MGAT5: variants seen among roughly 807,000 people sequenced by gnomAD.
MGAT5 encodes alpha-1,6-mannosylglycoprotein 6-beta-N-acetylglucosaminyltransferase A.
In MGAT5, 30 loss-of-function variants were observed where a neutral mutation model predicts 94.3. The observed-to-expected ratio is 0.32, with a 90% CI of 0.24 to 0.43. The LOEUF (loss-of-function observed/expected upper bound fraction) is 0.43. Among genes scored for constraint, MGAT5 ranks in the 20% least tolerant of loss-of-function variants. MGAT5 has a pLI of 1.00. For missense variants in MGAT5, 691 were observed against 905.5 expected (o/e 0.76, Z 3.04); for synonymous variants, 310 against 322.9 (o/e 0.96, Z 0.43).
intron 1 of MGAT5, among the ~76,000 whole-genome samples, chr2:134,141,937 C>G (rs1225580686): frequency 6.6e-6 from 1 of 152,146 alleles, no homozygotes; most frequent in African/African-American, 2.4e-5. Flanking sequence ...ATTTGGTTTT[C>G]AGATGGTCTG....
chr2:134,225,637 C>T (rs1573560583), intron 1 of MGAT5, among the ~76,000 whole-genome samples: 1 of 152,256 alleles, frequency 6.6e-6, no homozygotes, highest in East Asian at 1.9e-4. Context: ...TTATTATCTT[C>T]CATGAGGTCT....
intron 2 of MGAT5, among the ~76,000 whole-genome samples, chr2:134,272,251 G>C (rs139660754): frequency 6.6e-6 from 1 of 152,310 alleles, no homozygotes; most frequent in Non-Finnish European, 1.5e-5. Context: ...TATTGAGCTA[G>C]TGTACCGCTT....
At chr2:134,359,901 G>A (rs1007775286) in intron 9 of MGAT5, among the ~76,000 whole-genome samples, 1 of 152,204 alleles carries the variant, frequency 6.6e-6, no homozygotes, top group African/African-American at 2.4e-5. Flanking sequence ...CACTGGGCCG[G>A]TAGTTACTTC....
At chr2:134,289,371 C>A (rs1005599446) in intron 2 of MGAT5, among the ~76,000 whole-genome samples, 1 of 152,166 alleles carries the variant, frequency 6.6e-6, no homozygotes, top group Admixed American at 6.5e-5. Flanking sequence ...GCCAATACTG[C>A]CCCTTGGTAG....
At chr2:134,298,486 T>C (rs1685823798) in intron 2 of MGAT5, among the ~76,000 whole-genome samples, 1 of 152,204 alleles carries the variant, frequency 6.6e-6, no homozygotes, top group South Asian at 2.1e-4. Context: ...TAATAAGTTA[T>C]GTCACTTATA....
chr2:134,204,839 G>A (rs1356316098), intron 1 of MGAT5, among the ~76,000 whole-genome samples: 1 of 152,086 alleles, frequency 6.6e-6, no homozygotes, highest in Non-Finnish European at 1.5e-5. Flanking sequence ...ACACTCCATC[G>A]ACAAACAATT....
rs532745261 is a variant in MGAT5, at chr2:134,265,203, C to T, written c.242-5183C>T. 8.5e-5 allele frequency among the ~76,000 whole-genome samples: 13 copies of T among 152,288 alleles called. No individual in the cohort carries two copies. In the South Asian group the frequency reaches 2.7e-3, roughly 32 times the overall value. On this transcript the variant is annotated intron_variant, in intron 1 of 15. Transcript: ENST00000281923. The stretch of plus-strand genomic sequence containing the variant: ...GCCATTTTTGATAATTCCTCAAATA[C>T]GGATTGATTTTGATGATCTGGGAAA...
intron 10 of MGAT5, among the ~76,000 whole-genome samples, chr2:134,381,390 A>ATAGATAGATAGATAAGATAAGATAGAT (rs1681573854): frequency 8.5e-6 from 1 of 117,376 alleles, no homozygotes; most frequent in African/African-American, 3.4e-5. Context: ...GATTAGATAG[A>ATAGATAGATAGATAAGATAAGATAGAT]TAGATAGATA....
intron 1 of MGAT5, among the ~76,000 whole-genome samples, chr2:134,121,022 C>T (rs973184246): frequency 1.3e-5 from 2 of 152,014 alleles, no homozygotes; most frequent in Non-Finnish European, 2.9e-5. Context: ...TCAGTGCGGC[C>T]CTGGGAACTT....
chr2:134,441,994 AG>A, intron 15 of MGAT5, 79 bp downstream of exon 15: 1 of 1,501,226 alleles, frequency 6.7e-7, no homozygotes, highest in Non-Finnish European at 9.1e-7. Flanking sequence ...TGAGAGGTAC[AG>A]GTTTCCTCTT....
intron 1 of MGAT5, among the ~76,000 whole-genome samples, chr2:134,130,151 A>G (rs1686062289): frequency 6.6e-6 from 1 of 151,132 alleles, no homozygotes; most frequent in Non-Finnish European, 1.5e-5. Flanking sequence ...GGCCTCAGCC[A>G]TCTTCCCGCG....
intron 15 of MGAT5, among the ~76,000 whole-genome samples, chr2:134,445,685 A>G (rs1230826729): frequency 6.6e-6 from 1 of 152,160 alleles, no homozygotes. Flanking sequence ...TTTAACTACC[A>G]TCCTGTAAGA....
At chr2:134,158,926 G>A (rs1035843890) in intron 1 of MGAT5, among the ~76,000 whole-genome samples, 4 of 152,142 alleles carry the variant, frequency 2.6e-5, no homozygotes, top group Middle Eastern at 6.3e-3. Context: ...GAAATGCTGC[G>A]AATCTGAATT....
chr2:134,312,926 A>G (rs1686766424), intron 2 of MGAT5, among the ~76,000 whole-genome samples: 1 of 151,850 alleles, frequency 6.6e-6, no homozygotes, highest in Non-Finnish European at 1.5e-5. Context: ...CCTGTCCTGT[A>G]TTACGCTATT....
In MGAT5 at chr2:134,428,780, C is replaced by G. The variant is rs191399355; in HGVS notation, c.1869+341C>G. ...TAAGAAAGGCAAGAATTGAAACCAG[C>G]TTTTTCTAAGCATTATTTTAATAAT... On this transcript the variant is annotated intron_variant, in intron 14 of 15. Transcript: ENST00000281923. 4.7e-4 allele frequency among the ~76,000 whole-genome samples: 71 copies of G among 152,276 alleles called. 1 individual carries two copies. Among genetic ancestry groups the G allele is most frequent in the Admixed American group, 3.7e-3 (56 of 15,290 alleles).
chr2:134,401,293 C>T (rs530116741), intron 10 of MGAT5, among the ~76,000 whole-genome samples: 10 of 152,326 alleles, frequency 6.6e-5, no homozygotes, highest in South Asian at 2.1e-4. Context: ...CAGACTCCAA[C>T]GCTCAAATGA....
At chr2:134,257,319 A>G (rs1257219) in intron 1 of MGAT5, among the ~76,000 whole-genome samples, 115,882 of 152,062 alleles carry the variant, frequency 0.76, 44,288 homozygotes, top group African/African-American at 0.79. Flanking sequence ...TGCAACACCC[A>G]CCTCCTGGGT....
chr2:134,374,316 G>A (rs775192062), intron 10 of MGAT5, among the ~76,000 whole-genome samples: 31 of 152,094 alleles, frequency 2.0e-4, no homozygotes, highest in African/African-American at 4.6e-4. Context: ...TTTGATAGAC[G>A]TGAAAATCAT....
chr2:134,359,824 C>T (rs75767334), intron 9 of MGAT5, among the ~76,000 whole-genome samples: 2,346 of 152,194 alleles, frequency 0.015, 65 homozygotes, highest in African/African-American at 0.053. Flanking sequence ...GTGATAAGAC[C>T]AGGGCGCTCT....
Sources: allele counts gnomAD v4.1 joint callset (sites outside exome capture counted in the v4.1 genomes callset), GRCh38; gene constraint gnomAD v4.1.1; transcripts MANE v1.5; gene names NCBI Gene and HGNC (gene_info 2026-07-23, HGNC 2026-07-21).